The following MKNK2 variants were observed in gnomAD, a reference collection of about 807,000 sequenced individuals.
The protein encoded by MKNK2 is MAP kinase-interacting serine/threonine-protein kinase 2.
Under a neutral mutation model 55.0 loss-of-function variants are expected in MKNK2, and 54 were observed. The ratio of observed to expected loss-of-function variants is 0.98; its 90% CI spans 0.79 to 1.23. MKNK2 has a LOEUF of 1.23. MKNK2 is among the 50% of genes most tolerant of loss of function. The probability of loss-of-function intolerance (pLI) is 0.00; values close to 1 mark genes in which losing one functional copy is unlikely to be tolerated. For synonymous variants in MKNK2, 323 were observed against 256.0 expected (o/e 1.26, Z -2.50); for missense variants, 685 against 632.1 (o/e 1.08, Z -0.90).
Position 2,050,881 on chromosome 19 carries a change from G to A in MKNK2, c.-30C>T, listed in dbSNP as rs892430447. 4.7e-6 allele frequency: 7 copies of A among 1,502,920 alleles called. No individual in the cohort carries two copies. Among genetic ancestry groups the A allele is most frequent in the East Asian group, 2.8e-5 (1 of 35,448 alleles). The allele number at this position is 1,502,920 out of a possible 1,614,324, so 93.1% of individuals were successfully genotyped here. A position where few individuals can be genotyped will look rare whatever the true frequency, so the allele number is the denominator to read the frequency against. ...TGTCCGGGCCCCGCCAGCGGGGGAG[G>A]GGACCGAGGGCCCGGGGGGAGGCCC... On this transcript the variant is annotated 5_prime_UTR_variant, in exon 2 of 14. Transcript: ENST00000250896.
chr19:2,042,405 A>T (rs1362671759), intron 10 of MKNK2, 22 bp downstream of exon 10: 1 of 1,554,228 alleles, frequency 6.4e-7, no homozygotes, highest in Non-Finnish European at 8.7e-7. Context: ...CCGAGCCCCC[A>T]GCCCTCCCCG....
rs1599377474 is a variant in MKNK2, at chr19:2,039,450, A to G, written c.*163T>C. On this transcript the variant is annotated 3_prime_UTR_variant, in exon 14 of 14. Coordinates refer to ENST00000250896, the MANE Select transcript of MKNK2 (RefSeq NM_199054.3). ...GTGGAAACAGGAAAAAAAAAACCCA[A>G]AAGCAAAAACCTTCTATAAAACACC... 7.1e-7 allele frequency: 1 copy of G among 1,402,676 alleles called. No individual in the cohort carries two copies. Among genetic ancestry groups the G allele is most frequent in the South Asian group, 1.7e-5 (1 of 59,684 alleles). 86.9% of individuals were successfully genotyped at this position (1,402,676 alleles called of 1,614,324 possible).
At chr19:2,042,346 T>A in intron 10 of MKNK2, 81 bp downstream of exon 10, 1 of 1,281,094 alleles carries the variant, frequency 7.8e-7, no homozygotes, top group Non-Finnish European at 1.1e-6. Context: ...GGCCTGGAGC[T>A]GCTGGATGGC....
chr19:2,042,420 C>A lies in MKNK2; in HGVS notation c.750+7G>T, dbSNP rs768004682. ...CCGAGCCCCCAGCCCTCCCCGCGGG[C>A]CCTCACCGGAGTGAGCAGCTCCGGG... On this transcript the variant is annotated splice_region_variant and intron_variant, in intron 10 of 13. Coordinates refer to ENST00000250896, the MANE Select transcript of MKNK2 (RefSeq NM_199054.3). The A allele has an allele frequency of 2.6e-6, 4 of 1,566,296 alleles. No homozygotes were observed. The highest frequency in any genetic ancestry group is 1.2e-5 in the South Asian group (1 of 84,894).
At position 2,043,199 on chromosome 19, in the gene MKNK2, TG is replaced by T; in HGVS notation, c.420-3del. Reference sequence around the variant, plus strand: ...AACTCAATCAGCTCTAGGACGTTCCTGGGGTGGGGGTGGGGGCAGGAGAGGA... The same window carrying T: ...AACTCAATCAGCTCTAGGACGTTCCTGGGTGGGGGTGGGGGCAGGAGAGGA... On this transcript the variant is annotated splice_polypyrimidine_tract_variant and splice_region_variant and intron_variant, in intron 6 of 13. Transcript: ENST00000250896. The T allele has an allele frequency of 9.4e-7, 1 of 1,066,210 alleles. No individual in the cohort carries two copies. The highest frequency in any genetic ancestry group is 1.4e-6 in the Non-Finnish European group (1 of 702,316). The allele number at this position is 1,066,210 out of a possible 1,614,324, so 66.0% of individuals were successfully genotyped here.
At chr19:2,041,617 G>A (rs1200770460) in intron 11 of MKNK2, among the ~76,000 whole-genome samples, 2 of 152,174 alleles carry the variant, frequency 1.3e-5, no homozygotes, top group East Asian at 3.9e-4. Context: ...TCAGGGAGTA[G>A]GGCACACCGG....
chr19:2,039,965 C>G (rs2016840473), intron 13 of MKNK2, 109 bp from the exon 14 acceptor site: 1 of 1,421,940 alleles, frequency 7.0e-7, no homozygotes, highest in Non-Finnish European at 9.6e-7. Context: ...TCCCAGCCCC[C>G]ACCCTGGGGC....
rs919919636 is a variant in MKNK2, at chr19:2,044,138, G to A, written c.340-556C>T. Among the ~76,000 whole-genome samples the A allele has an allele frequency of 5.3e-5, 8 of 151,890 alleles. No homozygotes were observed. The South Asian group carries it at 1.7e-3, about 32-fold the overall frequency. On this transcript the variant is annotated intron_variant, in intron 5 of 13. Transcript: ENST00000250896. ...GGGCGGCCACCCTCCCTGACCCAGA[G>A]ACAGTCAGCTGTAGTCCTCTTTCCC...
rs760311823 is a variant in MKNK2, at chr19:2,042,844, G to A, written c.520C>T (p.Arg174Cys). 2.5e-6 allele frequency: 4 copies of A among 1,572,180 alleles called. No individual in the cohort carries two copies. Among genetic ancestry groups the A allele is most frequent in the African/African-American group, 1.4e-5 (1 of 73,904 alleles). Residue 174 changes from arginine to cysteine, a missense_variant, in exon 8 of 14, where the codon CGC becomes TGC. Transcript: ENST00000250896. ...GGSILSHIHK[R>C]RHFNELEASV... is the part of the protein sequence containing the mutation. Reference sequence around the variant, plus strand: ...GCCTCCAGCTCGTTGAAGTGCCGGCGCTTGTGGATGTGGCTCAGGATGGAG... The same window carrying A: ...GCCTCCAGCTCGTTGAAGTGCCGGCACTTGTGGATGTGGCTCAGGATGGAG...
In MKNK2 at chr19:2,046,751, A is replaced by T. The variant is rs1215259367; in HGVS notation, c.52-60T>A. ...CCATCCCTGCCCACGCAGCAGGGAG[A>T]CCTATCCTGCCCCAGTGTCGCAGCG... On this transcript the variant is annotated intron_variant, in intron 2 of 13. Transcript: ENST00000250896. The T allele has an allele frequency of 6.0e-6, 8 of 1,322,638 alleles. No homozygotes were observed. In the Admixed American group the frequency reaches 8.6e-5, roughly 14 times the overall value. 81.9% of individuals were successfully genotyped at this position (1,322,638 alleles called of 1,614,324 possible).
rs776823778 is a variant in MKNK2, at chr19:2,046,182, C to T, written c.339+4G>A. The T allele has an allele frequency of 1.5e-5, 24 of 1,608,070 alleles. No homozygotes were observed. In the Admixed American group the frequency reaches 4.0e-4, roughly 27 times the overall value. ...GGGTTCCCCAGGGCGCGGCGCGGGC[C>T]CACCTTGACGGCGTACTCCTGGCTG... On this transcript the variant is annotated splice_donor_region_variant and intron_variant, in intron 5 of 13. Coordinates refer to ENST00000250896, the MANE Select transcript of MKNK2 (RefSeq NM_199054.3).
Position 2,039,623 on chromosome 19 carries a change from T to C in MKNK2, c.1388A>G (p.Asp463Gly). Residue 463 changes from aspartate to glycine, a missense_variant, in exon 14 of 14, where the codon GAC becomes GGC. Physicochemically the swap from Asp to Gly is moderately conservative, Grantham distance 94. Transcript: ENST00000250896. ...LSSAPVVLVGDHA is the reference protein window; with the variant it reads ...LSSAPVVLVGGHA The stretch of plus-strand genomic sequence containing the variant: ...GGGGAGATGGGAGGGTCAGGCGTGG[T>C]CTCCCACCAGGACCACTGGGGCCGA... 1 of 1,611,414 alleles carries C rather than the reference T, an allele frequency of 6.2e-7. No individual in the cohort carries two copies. Among genetic ancestry groups the C allele is most frequent in the Non-Finnish European group, 8.5e-7 (1 of 1,179,144 alleles).
Position 2,037,960 on chromosome 19 carries a change from TCC to T in MKNK2, c.*1651_*1652del. 3 of 1,368,526 alleles carry T rather than the reference TCC, an allele frequency of 2.2e-6. No homozygotes were observed. The highest frequency in any genetic ancestry group is 5.2e-5 in the East Asian group (2 of 38,314). The allele number at this position is 1,368,526 out of a possible 1,614,324, so 84.8% of individuals were successfully genotyped here. On this transcript the variant is annotated 3_prime_UTR_variant, in exon 14 of 14. Coordinates refer to ENST00000250896, the MANE Select transcript of MKNK2 (RefSeq NM_199054.3). ...TTCTTTGATACAAAAAGGCAGAGAA[TCC>T]CCCGTTACGAAACATGGAATCACTG...
Position 2,046,407 on chromosome 19 carries a change from C to G in MKNK2, c.201G>C (p.Lys67Asn), listed in dbSNP as rs2016998981. 1 of 1,608,632 alleles carries G rather than the reference C, an allele frequency of 6.2e-7. No homozygotes were observed. Among genetic ancestry groups the G allele is most frequent in the Non-Finnish European group, 8.5e-7 (1 of 1,179,658 alleles). The stretch of plus-strand genomic sequence containing the variant: ...AGAAGCTGTCGGTGGCCCGGCCGCG[C>G]TTCTTCTTCTTGCCCCTCTTCTTGG... ...PDAKKRGKKK[K>N]RGRATDSFSG... Residue 67 changes from lysine to asparagine, a missense_variant, in exon 4 of 14, where the codon AAG becomes AAC. Coordinates refer to ENST00000250896, the MANE Select transcript of MKNK2 (RefSeq NM_199054.3).
chr19:2,050,484 C>T (rs992032130), intron 2 of MKNK2, among the ~76,000 whole-genome samples: 8 of 152,256 alleles, frequency 5.3e-5, no homozygotes, highest in African/African-American at 1.9e-4. Flanking sequence ...CCCCCCAGAA[C>T]ATACCCGGCG....
In MKNK2 at chr19:2,050,924, C is replaced by T; in HGVS notation, c.-73G>A. On this transcript the variant is annotated 5_prime_UTR_variant, in exon 2 of 14. Coordinates refer to ENST00000250896, the MANE Select transcript of MKNK2 (RefSeq NM_199054.3). ...GGAGGCCCGAGGGCGGGCGGCCGGG[C>T]GGGGGGCGGCCGAGGAGGGGACCCT... is the stretch of plus-strand genomic sequence containing the variant. 2 of 1,116,586 alleles carry T rather than the reference C, an allele frequency of 1.8e-6. No homozygotes were observed. The highest frequency in any genetic ancestry group is 1.2e-6 in the Non-Finnish European group (1 of 807,736). The allele number at this position is 1,116,586 out of a possible 1,614,324, so 69.2% of individuals were successfully genotyped here.
chr19:2,043,506 T>C lies in MKNK2; in HGVS notation c.416A>G (p.His139Arg). The C allele has an allele frequency of 2.5e-6, 4 of 1,613,964 alleles. No homozygotes were observed. Among genetic ancestry groups the C allele is most frequent in the Non-Finnish European group, 3.4e-6 (4 of 1,179,902 alleles). Residue 139 changes from histidine to arginine, a missense_variant, in exon 6 of 14, where the codon CAC (histidine) becomes CGC (arginine). Physicochemically the swap from His to Arg is conservative, Grantham distance 29. Transcript: ENST00000250896. ...EVEMLYQCQG[H>R]RNVLELIEFF... The stretch of plus-strand genomic sequence containing the variant: ...GTGGCAAGGGTGGCTCACCTACCTG[T>C]GTCCCTGGCACTGGTACAGCATCTC...
Position 2,039,819 on chromosome 19 carries a change from C to G in MKNK2, c.1192G>C (p.Glu398Gln), listed in dbSNP as rs1245376528. ...AGCTGCCGGTTCATGGCAATGGCCT[C>G]AGCCGCGAAGGACGTGAGGTCTTTG... ...CAKDLTSFAA[E>Q]AIAMNRQLAQ... The change falls in exon 14 of 14, where the codon GAG becomes CAG. Residue 398 changes from glutamate to glutamine, a missense_variant. Coordinates refer to ENST00000250896, the MANE Select transcript of MKNK2 (RefSeq NM_199054.3). 6.2e-7 allele frequency: 1 copy of G among 1,603,396 alleles called. No individual in the cohort carries two copies. Among genetic ancestry groups the G allele is most frequent in the Non-Finnish European group, 8.5e-7 (1 of 1,178,350 alleles).
chr19:2,050,791 C>G lies in MKNK2; in HGVS notation c.51+10G>C. The G allele has an allele frequency of 6.5e-7, 1 of 1,535,950 alleles. No homozygotes were observed. The highest frequency in any genetic ancestry group is 8.8e-7 in the Non-Finnish European group (1 of 1,141,234). ...GCCCGGAGCGCCCCCAAACCGACCCCGGGCCTCACCTTGAACGAACGGTGG... is the reference window on the plus strand; with the variant it reads ...GCCCGGAGCGCCCCCAAACCGACCCGGGGCCTCACCTTGAACGAACGGTGG... On this transcript the variant is annotated intron_variant, in intron 2 of 13. Transcript: ENST00000250896.
Sources: gnomAD v4.1 joint callset for allele counts (sites outside exome capture counted in the v4.1 genomes callset) on GRCh38, gnomAD v4.1.1 for gene constraint, MANE v1.5 for transcripts, NCBI Gene and HGNC (gene_info 2026-07-23, HGNC 2026-07-21) for gene names.